The following TLL1 variants were observed in gnomAD, a reference collection of about 807,000 sequenced individuals.
TLL1 encodes tolloid-like protein 1.
In TLL1, 49 loss-of-function variants were observed where a neutral mutation model predicts 128.2. That is an observed-to-expected ratio of 0.38 (90% CI 0.30 to 0.48). The LOEUF is 0.48. Ranked by LOEUF, TLL1 falls within the 20% of genes least tolerant of loss-of-function variation. The pLI, the probability that TLL1 is intolerant of heterozygous loss-of-function variation, is 0.96. For synonymous variants in TLL1, 454 were observed against 418.8 expected (o/e 1.08, Z -1.03); for missense variants, 1,123 against 1,242.0 (o/e 0.90, Z 1.44).
chr4:166,012,094 G>A lies in TLL1; in HGVS notation c.918-2342G>A, dbSNP rs114265414. Among the ~76,000 whole-genome samples the A allele has an allele frequency of 3.0e-3, 456 of 151,628 alleles. 2 individuals carry two copies. Among genetic ancestry groups the A allele is most frequent in the African/African-American group, 0.01 (431 of 41,482 alleles). ...ACTATTTTGTAATATACATGCTTCTGAACTGTGGACTGCCCATTTTTCATT... is the reference window on the plus strand; with the variant it reads ...ACTATTTTGTAATATACATGCTTCTAAACTGTGGACTGCCCATTTTTCATT... On this transcript the variant is annotated intron_variant, in intron 7 of 20. Coordinates refer to ENST00000061240, the MANE Select transcript of TLL1 (RefSeq NM_012464.5).
intron 1 of TLL1, among the ~76,000 whole-genome samples, chr4:165,919,280 G>A (rs575206391): frequency 1.1e-4 from 17 of 151,476 alleles, no homozygotes; most frequent in African/African-American, 3.4e-4. Flanking sequence ...CTACTTGGGA[G>A]GCTGAAGCAG....
Position 165,891,059 on chromosome 4 carries a change from C to T in TLL1, c.169+16986C>T, listed in dbSNP as rs912614389. ...AGCCACCAAAGCTTGGAGGTTGCAC[C>T]CTCTGAAGCAATGGCCTGAGCTGCA... is the stretch of plus-strand genomic sequence containing the variant. On this transcript the variant is annotated intron_variant, in intron 1 of 20. Transcript: ENST00000061240. 1.2e-4 allele frequency among the ~76,000 whole-genome samples: 19 copies of T among 152,258 alleles called. No homozygotes were observed. The South Asian group carries it at 1.7e-3, about 13-fold the overall frequency.
intron 18 of TLL1, among the ~76,000 whole-genome samples, chr4:166,083,075 T>A (rs570704328): frequency 1.5e-4 from 23 of 152,276 alleles, no homozygotes; most frequent in African/African-American, 5.5e-4. Context: ...CAAGAACTCC[T>A]GATAGATACT....
chr4:165,978,998 C>T lies in TLL1; in HGVS notation c.170-10383C>T, dbSNP rs926031071. On this transcript the variant is annotated intron_variant, in intron 1 of 20. Transcript: ENST00000061240. Reference sequence around the variant, plus strand: ...TGATACTTTGTAACCTAGATCTATGCTATATATTGTCCAAGGGTCTTTGGG... The same window carrying T: ...TGATACTTTGTAACCTAGATCTATGTTATATATTGTCCAAGGGTCTTTGGG... 4.6e-5 allele frequency among the ~76,000 whole-genome samples: 7 copies of T among 152,090 alleles called. No homozygotes were observed. In the East Asian group the frequency reaches 1.2e-3, roughly 25 times the overall value.
chr4:166,074,841 G>C, intron 16 of TLL1, 37 bp from the exon 17 acceptor site: 1 of 1,610,838 alleles, frequency 6.2e-7, no homozygotes, highest in Admixed American at 1.7e-5. Flanking sequence ...TGTTTTTAAA[G>C]TTACTTACTA....
chr4:165,991,427 T>C (rs750259453), intron 2 of TLL1, among the ~76,000 whole-genome samples: 1 of 152,020 alleles, frequency 6.6e-6, no homozygotes, highest in Non-Finnish European at 1.5e-5. Context: ...TGCCATACTT[T>C]TAAAATGTTT....
At chr4:165,976,034 CAAAAAAAAA>C (rs1169297533) in intron 1 of TLL1, among the ~76,000 whole-genome samples, 2 of 72,098 alleles carry the variant, frequency 2.8e-5, no homozygotes, top group Admixed American at 2.2e-4. Flanking sequence ...GATTCCATCT[CAAAAAAAAA>C]AAAAAAAAAA....
intron 19 of TLL1, among the ~76,000 whole-genome samples, chr4:166,093,749 G>C (rs1484338072): frequency 1.3e-5 from 2 of 152,160 alleles, no homozygotes; most frequent in South Asian, 2.1e-4. Context: ...TTCCAAGGCA[G>C]AGGTCCCTGC....
At chr4:166,088,544 C>T (rs959363618) in intron 18 of TLL1, among the ~76,000 whole-genome samples, 2 of 151,996 alleles carry the variant, frequency 1.3e-5, no homozygotes, top group African/African-American at 4.8e-5. Flanking sequence ...TGTGGTGGAG[C>T]TTTTAGTTCA....
At chr4:165,977,256 C>T (rs1337297375) in intron 1 of TLL1, among the ~76,000 whole-genome samples, 1 of 152,080 alleles carries the variant, frequency 6.6e-6, no homozygotes, top group Non-Finnish European at 1.5e-5. Flanking sequence ...CAGTTTCCCC[C>T]ATGCTGAAAG....
At chr4:166,094,120 C>T (rs1305708293) in intron 19 of TLL1, among the ~76,000 whole-genome samples, 1 of 152,102 alleles carries the variant, frequency 6.6e-6, no homozygotes, top group African/African-American at 2.4e-5. Context: ...AGAGAATGCA[C>T]TGGGCATTTT....
At position 166,022,473 on chromosome 4, in the gene TLL1, G is replaced by A. The variant is rs773983560; in HGVS notation, c.1043-2843G>A. Reference sequence around the variant, plus strand: ...TTACAGGCATGAGCCCACTGTGCCCGGCCAAGTTTATCTGTTGCTTTGGAG... The same window carrying A: ...TTACAGGCATGAGCCCACTGTGCCCAGCCAAGTTTATCTGTTGCTTTGGAG... On this transcript the variant is annotated intron_variant, in intron 8 of 20. Coordinates refer to ENST00000061240, the MANE Select transcript of TLL1 (RefSeq NM_012464.5). Among the ~76,000 whole-genome samples, 6 of 152,182 alleles carry A rather than the reference G, an allele frequency of 3.9e-5. 1 individual carries two copies. Among genetic ancestry groups the A allele is most frequent in the African/African-American group, 4.8e-5 (2 of 41,536 alleles).
intron 10 of TLL1, among the ~76,000 whole-genome samples, chr4:166,041,578 C>T (rs375368150): frequency 2.0e-5 from 3 of 152,144 alleles, no homozygotes; most frequent in East Asian, 3.9e-4. Context: ...GGATTACAGG[C>T]GTGAGCCACT....
rs1373273678 is a variant in TLL1, at chr4:166,104,358, TAATAAG to T, written c.*3490_*3495del. ...CAAATATTTGGAAACTATTGTTTAC[TAATAAG>T]AATAAGACTTGCCTTATGGAAAATT... On this transcript the variant is annotated 3_prime_UTR_variant, in exon 21 of 21. Transcript: ENST00000061240. Among the ~76,000 whole-genome samples, 7 of 152,098 alleles carry T rather than the reference TAATAAG, an allele frequency of 4.6e-5. No homozygotes were observed. Among genetic ancestry groups the T allele is most frequent in the Admixed American group, 2.6e-4 (4 of 15,244 alleles).
At chr4:165,977,498 T>C (rs747091144) in intron 1 of TLL1, among the ~76,000 whole-genome samples, 1 of 152,208 alleles carries the variant, frequency 6.6e-6, no homozygotes, top group African/African-American at 2.4e-5. Flanking sequence ...TATTTCTTTA[T>C]AGCAGTGTGA....
chr4:166,048,834 G>T (rs1052275510), intron 12 of TLL1, among the ~76,000 whole-genome samples: 1 of 152,120 alleles, frequency 6.6e-6, no homozygotes, highest in Non-Finnish European at 1.5e-5. Flanking sequence ...TTCTGATTTG[G>T]TGATACTTTC....
intron 1 of TLL1, among the ~76,000 whole-genome samples, chr4:165,964,020 A>G (rs573917416): frequency 3.9e-5 from 6 of 152,318 alleles, no homozygotes; most frequent in African/African-American, 1.2e-4. Context: ...TAGAATCTCA[A>G]AATTTTAGGC....
intron 1 of TLL1, among the ~76,000 whole-genome samples, chr4:165,975,328 C>G (rs922311231): frequency 6.6e-6 from 1 of 152,064 alleles, no homozygotes; most frequent in Non-Finnish European, 1.5e-5. Context: ...ACCCCTTCCC[C>G]CTCCCCCACG....
chr4:165,955,131 G>A (rs941445612), intron 1 of TLL1, among the ~76,000 whole-genome samples: 2 of 152,028 alleles, frequency 1.3e-5, no homozygotes, highest in African/African-American at 4.8e-5. Flanking sequence ...CATAATAGAG[G>A]TGGAATCAGT....
Sources: allele counts gnomAD v4.1 joint callset (sites outside exome capture counted in the v4.1 genomes callset), GRCh38; gene constraint gnomAD v4.1.1; transcripts MANE v1.5; gene names NCBI Gene and HGNC (gene_info 2026-07-23, HGNC 2026-07-21).